FKBP11: variants seen among roughly 807,000 people sequenced by gnomAD.
FKBP11 encodes peptidyl-prolyl cis-trans isomerase FKBP11.
Under a neutral mutation model 24.7 loss-of-function variants are expected in FKBP11, and 21 were observed. That is an observed-to-expected ratio of 0.85 (90% CI 0.60 to 1.23). The LOEUF (loss-of-function observed/expected upper bound fraction) is 1.23, where lower values mean the gene tolerates loss of function less well. Among genes scored for constraint, FKBP11 ranks in the 50% most tolerant of loss-of-function variants. FKBP11 has a pLI of 0.00. For missense variants in FKBP11, 245 were observed against 248.7 expected, an observed-to-expected ratio of 0.99 and a Z score of 0.10; for synonymous variants, 106 against 100.6, an observed-to-expected ratio of 1.05 and a Z score of -0.32.
At chr12:48,924,724 C>A in intron 2 of FKBP11, 76 bp from the exon 3 acceptor site, 1 of 1,579,350 alleles carries the variant, frequency 6.3e-7, no homozygotes. Flanking sequence ...ACACCTGGAC[C>A]GCTGGGCGGC....
upstream of FKBP11, among the ~76,000 whole-genome samples, chr12:48,927,056 C>T (rs1939984878): frequency 6.6e-6 from 1 of 152,242 alleles, no homozygotes; most frequent in Non-Finnish European, 1.5e-5. Context: ...GATCCGCCAG[C>T]CTCAGCATCC....
chr12:48,925,473 C>G lies in FKBP11; in HGVS notation c.-45G>C. 3 of 1,529,164 alleles carry G rather than the reference C, an allele frequency of 2.0e-6. No individual in the cohort carries two copies. The highest frequency in any genetic ancestry group is 1.8e-6 in the Non-Finnish European group (2 of 1,138,082). 94.7% of individuals were successfully genotyped at this position (1,529,164 alleles called of 1,614,324 possible). ...AGCCGGGGCACCAGGACAGGCTGTT[C>G]GGGTGGCGGCAGCCAGGACAGCGTT... On this transcript the variant is annotated 5_prime_UTR_variant, in exon 1 of 6. Transcript: ENST00000550765.
upstream of FKBP11, chr12:48,926,101 TGTTATCCTGTAAGAACAGG>T (rs1207297343): frequency 6.6e-6 from 1 of 152,342 alleles, no homozygotes; most frequent in East Asian, 1.9e-4. Context: ...AGCAAGGAGC[TGTTATCCTGTAAGAACAGG>T]GTAAATCCCT....
chr12:48,924,957 C>T (rs1023020522), intron 2 of FKBP11, 89 bp downstream of exon 2: 69 of 1,485,910 alleles, frequency 4.6e-5, no homozygotes, highest in Middle Eastern at 4.9e-4. Context: ...TCTCCCGAAC[C>T]GCTTGCCACG....
chr12:48,937,248 G>C, the FKBP11 span: 1 of 152,270 alleles, frequency 6.6e-6, no homozygotes, highest in African/African-American at 2.4e-5. Flanking sequence ...AGTGGGGCTT[G>C]GGACAGCCCT....
intron 5 of FKBP11, chr12:48,923,432 T>C (rs1939881029): frequency 2.6e-6 from 4 of 1,529,472 alleles, no homozygotes; most frequent in Non-Finnish European, 3.5e-6. Flanking sequence ...GGGGGGTGGC[T>C]GTACAGCTGA....
At chr12:48,932,174 T>TATAC in the FKBP11 span, among the ~76,000 whole-genome samples, 1 of 136,460 alleles carries the variant, frequency 7.3e-6, no homozygotes, top group South Asian at 2.2e-4. Flanking sequence ...TAAAAATATA[T>TATAC]ATATATATAT....
chr12:48,932,676 G>C, the FKBP11 span, among the ~76,000 whole-genome samples: 1 of 152,000 alleles, frequency 6.6e-6, no homozygotes, highest in African/African-American at 2.4e-5. Flanking sequence ...ATTCCTGTGG[G>C]TTAGAGCCCC....
At chr12:48,937,259 A>G in the FKBP11 span, 1 of 152,254 alleles carries the variant, frequency 6.6e-6, no homozygotes, top group Non-Finnish European at 1.5e-5. Flanking sequence ...GGACAGCCCT[A>G]CTGGGAAGGG....
In FKBP11 at chr12:48,925,415, G is replaced by C; in HGVS notation, c.14C>G (p.Pro5Arg). The change falls in exon 1 of 6, where the codon CCC becomes CGC. Residue 5 changes from proline (P) to arginine (R), a missense_variant. Transcript: ENST00000550765. ...CAGCAGATGGAGCGGGAGGAGTGAGGGGCGCAGGGTCATGACTGGGCGCGG... is the reference window on the plus strand; with the variant it reads ...CAGCAGATGGAGCGGGAGGAGTGAGCGGCGCAGGGTCATGACTGGGCGCGG... Reference protein sequence around the residue: MTLRPSLLPLHLLLL... With the variant: MTLRRSLLPLHLLLL... 1 of 1,573,562 alleles carries C rather than the reference G, an allele frequency of 6.4e-7. No individual in the cohort carries two copies. Among genetic ancestry groups the C allele is most frequent in the Non-Finnish European group, 8.6e-7 (1 of 1,160,622 alleles).
chr12:48,930,042 A>G (rs1230227630), upstream of FKBP11, among the ~76,000 whole-genome samples: 2 of 152,204 alleles, frequency 1.3e-5, no homozygotes, highest in African/African-American at 4.8e-5. Context: ...CAGCTAACTG[A>G]TGGCAAGGTC....
upstream of FKBP11, among the ~76,000 whole-genome samples, chr12:48,928,042 CCTT>C (rs1410463769): frequency 1.4e-5 from 1 of 70,404 alleles, no homozygotes; most frequent in African/African-American, 5.7e-5. Flanking sequence ...CTGCCAGATA[CCTT>C]TTTTTTTTTT....
chr12:48,930,674 G>A (rs1344143257), upstream of FKBP11, among the ~76,000 whole-genome samples: 5 of 152,172 alleles, frequency 3.3e-5, no homozygotes, highest in South Asian at 2.1e-4. Flanking sequence ...GCTTTGTGGA[G>A]GAGGTGAAAC....
chr12:48,938,649 C>T, the FKBP11 span: 11 of 434,872 alleles, frequency 2.5e-5, no homozygotes, highest in African/African-American at 2.0e-4. Flanking sequence ...CCCCACTCGA[C>T]CTCCCGAAAC....
At chr12:48,938,912 G>C in the FKBP11 span, 1 of 1,603,846 alleles carries the variant, frequency 6.2e-7, no homozygotes, top group South Asian at 1.1e-5. Context: ...GTATGTCAGG[G>C]GTGGGTGGGG....
rs531693483 is a variant in FKBP11 at position 48,925,373 on chromosome 12, C to G, written c.56G>C (p.Ser19Thr). 1.9e-6 allele frequency: 3 copies of G among 1,603,712 alleles called. No homozygotes were observed. ...PLHLLLLLLL[S>T]AAVCRAEAGL... is the part of the protein sequence containing the mutation. ...AGCCTCAGCCCGGCACACCGCCGCACTGAGCAGCAGCAGCAGCAGCAGATG... is the reference window on the plus strand; with the variant it reads ...AGCCTCAGCCCGGCACACCGCCGCAGTGAGCAGCAGCAGCAGCAGCAGATG... Residue 19 changes from serine to threonine, a missense_variant, in exon 1 of 6, where the codon AGT becomes ACT. Ser to Thr is a moderately conservative substitution (Grantham distance 58, BLOSUM62 1). Coordinates refer to ENST00000550765, the MANE Select transcript of FKBP11 (RefSeq NM_016594.3).
intron 5 of FKBP11, chr12:48,923,272 T>G: frequency 3.6e-6 from 5 of 1,385,396 alleles, no homozygotes; most frequent in Non-Finnish European, 4.7e-6. Context: ...ATCTCAACCC[T>G]TCAAAAATAG....
At chr12:48,938,244 G>T in the FKBP11 span, 4 of 379,522 alleles carry the variant, frequency 1.1e-5, no homozygotes, top group Admixed American at 9.2e-5. Context: ...TCCATCATCT[G>T]TCCTATCATC....
intron 4 of FKBP11, 67 bp from the exon 5 acceptor site, chr12:48,923,919 A>G: frequency 1.3e-6 from 2 of 1,484,938 alleles, no homozygotes; most frequent in Non-Finnish European, 1.9e-6. Context: ...AGTCCAGCTG[A>G]AGCTCCTTCA....
Sources: allele counts gnomAD v4.1 joint callset (sites outside exome capture counted in the v4.1 genomes callset), GRCh38; gene constraint gnomAD v4.1.1; transcripts MANE v1.5; gene names NCBI Gene and HGNC (gene_info 2026-07-23, HGNC 2026-07-21).